CNGA3: variants seen among roughly 807,000 people sequenced by gnomAD.
CNGA3 encodes cyclic nucleotide-gated channel alpha-3.
In CNGA3, 42 loss-of-function variants were observed where a neutral mutation model predicts 46.6. That is an observed-to-expected ratio of 0.90 (90% CI 0.70 to 1.17). The LOEUF (loss-of-function observed/expected upper bound fraction) is 1.17. CNGA3 is among the 50% of genes most tolerant of loss of function. The pLI is 0.00. For synonymous variants in CNGA3, 394 were observed against 369.4 expected (o/e 1.07, Z -0.76); for missense variants, 893 against 890.7 (o/e 1.00, Z -0.03).
At chr2:98,389,815 C>T (rs749965236) in intron 6 of CNGA3, 41 bp downstream of exon 6, 1 of 1,530,210 alleles carries the variant, frequency 6.5e-7, no homozygotes, top group Non-Finnish European at 9.0e-7. Context: ...AAGGGGGAAA[C>T]CAGGGCACCA....
intron 5 of CNGA3, among the ~76,000 whole-genome samples, chr2:98,383,918 G>A (rs553425077): frequency 2.9e-4 from 44 of 152,146 alleles, no homozygotes; most frequent in African/African-American, 1.0e-3. Flanking sequence ...ATGGAGTCTT[G>A]CTCTGTCACC....
chr2:98,383,377 C>G lies in CNGA3; in HGVS notation c.396-11C>G, dbSNP rs545114991. On this transcript the variant is annotated splice_polypyrimidine_tract_variant and intron_variant, in intron 4 of 7. Transcript: ENST00000272602. ...GTTCAGACCCTTGATGTTCTCTCTA[C>G]CTTCCCGCAGCGCCTGGCCCCTGGC... 1.2e-6 allele frequency: 2 copies of G among 1,614,030 alleles called. No individual in the cohort carries two copies. Among genetic ancestry groups the G allele is most frequent in the East Asian group, 4.5e-5 (2 of 44,874 alleles).
At chr2:98,384,419 A>T (rs1692609097) in intron 5 of CNGA3, among the ~76,000 whole-genome samples, 1 of 152,298 alleles carries the variant, frequency 6.6e-6, no homozygotes, top group East Asian at 1.9e-4. Flanking sequence ...TCAGTGAGAA[A>T]TGCCGATTTC....
rs1319233485 is a variant in CNGA3, at chr2:98,397,293, G to C, written c.*38G>C. 6.3e-7 allele frequency: 1 copy of C among 1,596,910 alleles called. No individual in the cohort carries two copies. The highest frequency in any genetic ancestry group is 1.1e-5 in the South Asian group (1 of 90,260). ...TGTCTCCTGCTTCACAGGGTCGACT[G>C]TCAGGGTGACCGTATGTGGCCGCAG... is the stretch of plus-strand genomic sequence containing the variant. On this transcript the variant is annotated 3_prime_UTR_variant, in exon 8 of 8. Transcript: ENST00000272602.
In CNGA3 at chr2:98,370,291, A is replaced by AAGCAGG. The variant is rs543545222; in HGVS notation, c.101+216_101+221dup. Among the ~76,000 whole-genome samples, 3 of 152,340 alleles carry AAGCAGG rather than the reference A, an allele frequency of 2.0e-5. No individual in the cohort carries two copies. In the South Asian group the frequency reaches 6.2e-4, roughly 32 times the overall value. On this transcript the variant is annotated intron_variant, in intron 2 of 7. Transcript: ENST00000272602. Reference sequence around the variant, plus strand: ...GTATTCTTGTTTTAGAGATGTGGAAAAGCAGGCTTAAATAGTCACTTAATT... The same window carrying AAGCAGG: ...GTATTCTTGTTTTAGAGATGTGGAAAAGCAGGAGCAGGCTTAAATAGTCACTTAATT...
At position 98,397,162 on chromosome 2, in the gene CNGA3, A is replaced by C; in HGVS notation, c.1992A>C (p.Gln664His). Residue 664 changes from glutamine to histidine, a missense_variant, in exon 8 of 8, where the codon CAA becomes CAC. Gln to His is a conservative substitution (Grantham distance 24). Around this residue, in one of 3 missense-constraint regions of CNGA3, gnomAD observed 548 missense variants for 570.8 expected, o/e 0.96. Transcript: ENST00000272602. ...TGAAGATGAAGCAGCGTCTCAGCCA[A>C]CTGGAAAGCCAGGTGAAGGGTGGTG... is the stretch of plus-strand genomic sequence containing the variant. ...TQMKMKQRLS[Q>H]LESQVKGGGD... The C allele has an allele frequency of 6.2e-7, 1 of 1,614,128 alleles. No individual in the cohort carries two copies. The highest frequency in any genetic ancestry group is 8.5e-7 in the Non-Finnish European group (1 of 1,180,008).
chr2:98,359,765 C>T (rs990692793), intron 1 of CNGA3, among the ~76,000 whole-genome samples: 1 of 152,176 alleles, frequency 6.6e-6, no homozygotes, highest in African/African-American at 2.4e-5. Context: ...GTCTCCCCCA[C>T]CCCCCACAAA....
At chr2:98,391,314 T>C (rs1476116701) in intron 6 of CNGA3, among the ~76,000 whole-genome samples, 1 of 152,040 alleles carries the variant, frequency 6.6e-6, no homozygotes, top group Non-Finnish European at 1.5e-5. Flanking sequence ...GGCACTGTTC[T>C]CCTTCAGGTG....
intron 2 of CNGA3, among the ~76,000 whole-genome samples, chr2:98,370,551 G>A (rs760914354): frequency 6.6e-6 from 1 of 152,224 alleles, no homozygotes; most frequent in Non-Finnish European, 1.5e-5. Context: ...CCCAGGGCCT[G>A]TATAGGGAGT....
intron 1 of CNGA3, among the ~76,000 whole-genome samples, chr2:98,369,169 G>A (rs754843419): frequency 5.9e-5 from 9 of 152,176 alleles, no homozygotes; most frequent in Admixed American, 1.3e-4. Context: ...AGGCTAGTTC[G>A]GCCTACGCCC....
chr2:98,364,132 C>T (rs1267970883), intron 1 of CNGA3, among the ~76,000 whole-genome samples: 1 of 152,148 alleles, frequency 6.6e-6, no homozygotes. Flanking sequence ...AATCCCAGCA[C>T]TTTGGAAGGC....
At chr2:98,370,809 CT>C (rs1411397373) in intron 2 of CNGA3, among the ~76,000 whole-genome samples, 4 of 152,090 alleles carry the variant, frequency 2.6e-5, no homozygotes, top group Non-Finnish European at 5.9e-5. Context: ...GAGCTAAACC[CT>C]TATGTTTCTT....
At chr2:98,370,120 G>A (rs1372106927) in intron 2 of CNGA3, 44 bp downstream of exon 2, 1 of 1,467,490 alleles carries the variant, frequency 6.8e-7, no homozygotes, top group Admixed American at 1.7e-5. Flanking sequence ...GCCTGGCTCT[G>A]GTCATTTCCA....
chr2:98,391,131 G>A (rs1692777467), intron 6 of CNGA3, among the ~76,000 whole-genome samples: 1 of 152,242 alleles, frequency 6.6e-6, no homozygotes, highest in Non-Finnish European at 1.5e-5. Flanking sequence ...CATCCACATG[G>A]AAGCAGAGGC....
chr2:98,380,339 C>T lies in CNGA3; in HGVS notation c.380C>T (p.Ala127Val). 1 of 1,614,050 alleles carries T rather than the reference C, an allele frequency of 6.2e-7. No homozygotes were observed. Among genetic ancestry groups the T allele is most frequent in the Non-Finnish European group, 8.5e-7 (1 of 1,179,994 alleles). ...GCAAATGTGGGCAGCCAGGAGCCAG[C>T]AGACAGAGGGAGAAGGTAAGGAACG... is the stretch of plus-strand genomic sequence containing the variant. ...AQANVGSQEP[A>V]DRGRSAWPLA... Residue 127 changes from alanine to valine, a missense_variant, in exon 4 of 8, where the codon GCA becomes GTA. Physicochemically the swap from Ala to Val is moderately conservative, Grantham distance 64. Around this residue, in one of 3 missense-constraint regions of CNGA3, gnomAD observed 333 missense variants for 290.8 expected, o/e 1.15. Transcript: ENST00000272602.
At chr2:98,347,645 G>C (rs1442621361) in intron 1 of CNGA3, among the ~76,000 whole-genome samples, 1 of 152,194 alleles carries the variant, frequency 6.6e-6, no homozygotes, top group Non-Finnish European at 1.5e-5. Context: ...CCTCTGACAC[G>C]CAGTCCGCCG....
intron 1 of CNGA3, among the ~76,000 whole-genome samples, chr2:98,356,803 C>T (rs765103538): frequency 6.6e-6 from 1 of 152,170 alleles, no homozygotes; most frequent in Admixed American, 6.5e-5. Flanking sequence ...GGTTTTCTTT[C>T]GGAAGCACGT....
At chr2:98,395,172 CTT>C (rs1040060344) in intron 7 of CNGA3, among the ~76,000 whole-genome samples, 1 of 148,106 alleles carries the variant, frequency 6.8e-6, no homozygotes. Flanking sequence ...GCCTCCGTCA[CTT>C]TTTTTTTTTC....
In CNGA3 at chr2:98,369,888, G is replaced by A. The variant is rs540420224; in HGVS notation, c.-37-51G>A. 278 of 1,218,022 alleles carry A rather than the reference G, an allele frequency of 2.3e-4. 2 individuals carry two copies. The African/African-American group carries it at 3.0e-3, about 13-fold the overall frequency. The allele number at this position is 1,218,022 out of a possible 1,614,324, so 75.5% of individuals were successfully genotyped here. On this transcript the variant is annotated intron_variant, in intron 1 of 7. Transcript: ENST00000272602. ...CCCTTGCCCTTGATGAGCTGGGTTT[G>A]CAGTTACTTTCCTGTCCTGATGACG...
Sources: gnomAD v4.1 joint callset for allele counts (sites outside exome capture counted in the v4.1 genomes callset) on GRCh38, gnomAD v4.1.1 for gene constraint, gnomAD v4.1.1 regional missense constraint, MANE v1.5 for transcripts, NCBI Gene and HGNC (gene_info 2026-07-23, HGNC 2026-07-21) for gene names.